The following FAM3B variants were observed in gnomAD, a reference collection of about 807,000 sequenced individuals.
FAM3B encodes the protein protein FAM3B.
In FAM3B, 29 loss-of-function variants were observed where a neutral mutation model predicts 28.4. The observed-to-expected ratio is 1.02, with a 90% CI of 0.76 to 1.39. The LOEUF (loss-of-function observed/expected upper bound fraction) is 1.39. Ranked by LOEUF, FAM3B falls within the 40% of genes most tolerant of loss-of-function variation. The pLI is 0.00. For missense variants in FAM3B, 266 were observed against 293.9 expected, an observed-to-expected ratio of 0.91 and a Z score of 0.69; for synonymous variants, 91 against 103.0, an observed-to-expected ratio of 0.88 and a Z score of 0.71.
intron 2 of FAM3B, 126 bp downstream of exon 2, chr21:41,323,192 G>C: frequency 6.0e-6 from 8 of 1,330,080 alleles, no homozygotes; most frequent in Non-Finnish European, 7.2e-6. Flanking sequence ...GAGGAGGAGA[G>C]AAGCATTTTG....
intron 7 of FAM3B, among the ~76,000 whole-genome samples, chr21:41,356,080 CACACA>C (rs1323855985): frequency 1.4e-5 from 2 of 143,400 alleles, no homozygotes; most frequent in East Asian, 3.9e-4. Flanking sequence ...CACACACACA[CACACA>C]TAGTTTTACT....
chr21:41,346,383 G>A (rs1601371002), intron 5 of FAM3B: 4 of 152,934 alleles, frequency 2.6e-5, no homozygotes. Context: ...AACCTAAGCA[G>A]AACAGTAAAT....
chr21:41,315,961 C>T (rs951761947), upstream of FAM3B, among the ~76,000 whole-genome samples: 1 of 152,154 alleles, frequency 6.6e-6, no homozygotes, highest in Admixed American at 6.6e-5. Flanking sequence ...CTGGGTCTTT[C>T]GCAGACCCTG....
At chr21:41,350,043 C>T (rs550634016) in intron 7 of FAM3B, among the ~76,000 whole-genome samples, 22 of 152,288 alleles carry the variant, frequency 1.4e-4, no homozygotes, top group Admixed American at 6.5e-4. Flanking sequence ...CTCCTTGGGC[C>T]CCACCACTGC....
At position 41,347,012 on chromosome 21, in the gene FAM3B, G is replaced by C; in HGVS notation, c.398-1G>C. 3.7e-6 allele frequency: 6 copies of C among 1,614,032 alleles called. No individual in the cohort carries two copies. Among genetic ancestry groups the C allele is most frequent in the Non-Finnish European group, 5.1e-6 (6 of 1,179,928 alleles). ...TAAAACTGACTTGCATCCCCCAATA[G>C]ATAACTCTGGACCGATGACAAAGTT... On this transcript the variant is annotated splice_acceptor_variant, in intron 5 of 7. Transcript: ENST00000357985. LOFTEE classifies it high-confidence loss of function.
chr21:41,315,276 G>A (rs1407711758), upstream of FAM3B, among the ~76,000 whole-genome samples: 2 of 152,092 alleles, frequency 1.3e-5, no homozygotes, highest in Admixed American at 6.6e-5. Context: ...TCCAGGGGCT[G>A]GGGGCAAGGG....
rs576784202 is a variant in FAM3B at position 41,326,863 on chromosome 21, TG to T, written c.163+3801del. Among the ~76,000 whole-genome samples the T allele has an allele frequency of 3.4e-3, 525 of 152,344 alleles. 5 individuals carry two copies. The highest frequency in any genetic ancestry group is 7.4e-3 in the Admixed American group (114 of 15,308). ...AGAACCCAGCCCACTGTTCTGCACC[TG>T]GGGCCCTTTTCACCCAAGCTCCTCG... On this transcript the variant is annotated intron_variant, in intron 2 of 7. Transcript: ENST00000357985. The surrounding 1 kb of genome is among the most constrained non-coding windows in gnomAD (Gnocchi z 4.0).
intron 1 of FAM3B, among the ~76,000 whole-genome samples, chr21:41,311,377 G>A (rs1336903076): frequency 2.1e-5 from 3 of 142,082 alleles, no homozygotes; most frequent in Admixed American, 7.3e-5. Context: ...TGGGAGGATC[G>A]CATTGAACCT....
chr21:41,354,265 AC>A (rs2089145786), intron 7 of FAM3B, among the ~76,000 whole-genome samples: 1 of 152,238 alleles, frequency 6.6e-6, no homozygotes, highest in South Asian at 2.1e-4. Context: ...ATACTATTTG[AC>A]CAGCAATCCC....
At chr21:41,347,724 G>A (rs1008075354) in intron 6 of FAM3B, among the ~76,000 whole-genome samples, 2 of 145,548 alleles carry the variant, frequency 1.4e-5, no homozygotes, top group African/African-American at 5.0e-5. Context: ...CTGCACTCCA[G>A]CCCGGTGACA....
chr21:41,329,938 C>T (rs2088889663), intron 2 of FAM3B, among the ~76,000 whole-genome samples: 1 of 152,092 alleles, frequency 6.6e-6, no homozygotes, highest in African/African-American at 2.4e-5. Flanking sequence ...AAATCATTTG[C>T]TGAATTTGCT....
chr21:41,331,555 T>C (rs2088905857), intron 2 of FAM3B, among the ~76,000 whole-genome samples: 1 of 152,180 alleles, frequency 6.6e-6, no homozygotes, highest in African/African-American at 2.4e-5. Flanking sequence ...TATCTAGTAA[T>C]TTCATGGTTT....
intron 3 of FAM3B, among the ~76,000 whole-genome samples, chr21:41,339,129 T>C (rs1433905190): frequency 6.6e-6 from 1 of 152,216 alleles, no homozygotes; most frequent in Non-Finnish European, 1.5e-5. Flanking sequence ...CATATAAGAT[T>C]GATATTATTT....
chr21:41,324,868 G>A (rs974402818), intron 2 of FAM3B, among the ~76,000 whole-genome samples: 5 of 152,160 alleles, frequency 3.3e-5, no homozygotes, highest in Non-Finnish European at 7.3e-5. Context: ...TTGGGAGGCC[G>A]AGGCGGGCAC....
intron 2 of FAM3B, among the ~76,000 whole-genome samples, chr21:41,330,173 C>T (rs1039072833): frequency 6.6e-6 from 1 of 151,222 alleles, no homozygotes; most frequent in Non-Finnish European, 1.5e-5. Flanking sequence ...TACAGCATCC[C>T]AAATCTGAAA....
chr21:41,306,352 G>A (rs909756482), intron 1 of FAM3B, among the ~76,000 whole-genome samples: 4 of 152,264 alleles, frequency 2.6e-5, no homozygotes, highest in East Asian at 3.9e-4. Context: ...TCTTAATGGC[G>A]TCTTCAATGC....
At chr21:41,308,535 CTTTTTTTTTT>C (rs562737882) in intron 1 of FAM3B, among the ~76,000 whole-genome samples, 1 of 119,554 alleles carries the variant, frequency 8.4e-6, no homozygotes, top group African/African-American at 3.1e-5. Flanking sequence ...TTTTTCTTTT[CTTTTTTTTTT>C]TTTTTTTTTT....
At chr21:41,335,261 T>C (rs1025784212) in intron 2 of FAM3B, among the ~76,000 whole-genome samples, 28 of 152,162 alleles carry the variant, frequency 1.8e-4, no homozygotes, top group African/African-American at 6.5e-4. Flanking sequence ...TTTTGCAATG[T>C]GAGAAGGACA....
intron 2 of FAM3B, among the ~76,000 whole-genome samples, chr21:41,338,162 C>G (rs545953252): frequency 6.6e-6 from 1 of 152,124 alleles, no homozygotes; most frequent in African/African-American, 2.4e-5. Context: ...CCCTCTCCTT[C>G]TTTGCTTATT....
Sources: allele counts gnomAD v4.1 joint callset (sites outside exome capture counted in the v4.1 genomes callset), GRCh38; gene constraint gnomAD v4.1.1; non-coding constraint Gnocchi (gnomAD v3.1); transcripts MANE v1.5; gene names NCBI Gene and HGNC (gene_info 2026-07-23, HGNC 2026-07-21).